Variants in SH2D4A observed in about 807,000 individuals in gnomAD.
The protein encoded by SH2D4A is SH2 domain containing 4A, also known as SH2 domain-containing protein 4A.
A neutral mutation model predicts 64.7 loss-of-function variants in SH2D4A; 70 were observed. That is an observed-to-expected ratio of 1.08 (90% confidence interval 0.89 to 1.32). The LOEUF (loss-of-function observed/expected upper bound fraction) is 1.32. Among genes scored for constraint, SH2D4A ranks in the 40% most tolerant of loss-of-function variants. The pLI, the probability that SH2D4A is intolerant of heterozygous loss-of-function variation, is 0.00. For missense variants in SH2D4A, 706 were observed against 540.1 expected (o/e 1.31, Z -3.04); for synonymous variants, 268 against 200.7 (o/e 1.34, Z -2.83).
At chr8:19,380,820 T>C (rs1006418252) in intron 8 of SH2D4A, among the ~76,000 whole-genome samples, 12 of 152,166 alleles carry the variant, frequency 7.9e-5, no homozygotes, top group Non-Finnish European at 1.5e-4. Context: ...GTCTTCCTGT[T>C]TTTTCTTCTT....
intron 2 of SH2D4A, among the ~76,000 whole-genome samples, chr8:19,322,009 TAA>T (rs149164136): frequency 0.019 from 2,920 of 152,340 alleles, 97 homozygotes; most frequent in African/African-American, 0.066. Context: ...TATGTTAATA[TAA>T]GTGGGGAAAG....
intron 4 of SH2D4A, among the ~76,000 whole-genome samples, chr8:19,341,151 G>C (rs2052523326): frequency 6.6e-6 from 1 of 152,138 alleles, no homozygotes; most frequent in Non-Finnish European, 1.5e-5. Flanking sequence ...ACTGCCCCCA[G>C]GCCTTCTCCT....
At chr8:19,383,049 T>C (rs1167482637) in intron 8 of SH2D4A, among the ~76,000 whole-genome samples, 2 of 152,042 alleles carry the variant, frequency 1.3e-5, no homozygotes, top group Non-Finnish European at 2.9e-5. Flanking sequence ...TGGGTCTCTT[T>C]AAGTTCATCT....
At chr8:19,378,324 A>G (rs1331887422) in intron 8 of SH2D4A, among the ~76,000 whole-genome samples, 2 of 152,148 alleles carry the variant, frequency 1.3e-5, no homozygotes, top group Non-Finnish European at 2.9e-5. Context: ...TGCTTGTTGT[A>G]TCATGCACAA....
intron 5 of SH2D4A, among the ~76,000 whole-genome samples, chr8:19,359,819 C>G (rs2052851111): frequency 6.6e-6 from 1 of 151,396 alleles, no homozygotes; most frequent in South Asian, 2.1e-4. Context: ...AAACAAGTTT[C>G]ACAATATTAA....
intron 4 of SH2D4A, among the ~76,000 whole-genome samples, chr8:19,336,102 C>G (rs2052441727): frequency 6.6e-6 from 1 of 152,202 alleles, no homozygotes; most frequent in South Asian, 2.1e-4. Flanking sequence ...TGCTGAGTGT[C>G]TCATGTAATC....
chr8:19,369,527 T>A (rs957232005), intron 7 of SH2D4A, among the ~76,000 whole-genome samples: 1 of 152,102 alleles, frequency 6.6e-6, no homozygotes, highest in Non-Finnish European at 1.5e-5. Flanking sequence ...TATTGGTCTG[T>A]TAAGTTTTCT....
At chr8:19,344,440 C>T (rs1324416642) in intron 4 of SH2D4A, among the ~76,000 whole-genome samples, 1 of 152,144 alleles carries the variant, frequency 6.6e-6, no homozygotes, top group Admixed American at 6.5e-5. Flanking sequence ...CAGATTGAGT[C>T]CTTCTCCTGC....
intron 8 of SH2D4A, among the ~76,000 whole-genome samples, chr8:19,377,585 C>T (rs1424978460): frequency 6.6e-6 from 1 of 152,046 alleles, no homozygotes; most frequent in Non-Finnish European, 1.5e-5. Flanking sequence ...ATATTGTTTT[C>T]CCCCAACATT....
Position 19,379,103 on chromosome 8 carries a change from C to G in SH2D4A, c.1048+5443C>G, listed in dbSNP as rs28810189. On this transcript the variant is annotated intron_variant, in intron 8 of 9. Transcript: ENST00000265807. ...AAAAAAAAAAAAAAAATTTCTACAGCTATTACCACCATCCATCTGCAGAAG... is the reference window on the plus strand; with the variant it reads ...AAAAAAAAAAAAAAAATTTCTACAGGTATTACCACCATCCATCTGCAGAAG... Among the ~76,000 whole-genome samples the G allele has an allele frequency of 6.9e-3, 1,036 of 151,102 alleles. 10 individuals carry two copies. The highest frequency in any genetic ancestry group is 0.024 in the African/African-American group (979 of 41,204).
At chr8:19,377,886 C>A (rs1218210923) in intron 8 of SH2D4A, among the ~76,000 whole-genome samples, 1 of 152,142 alleles carries the variant, frequency 6.6e-6, no homozygotes, top group Non-Finnish European at 1.5e-5. Flanking sequence ...CTGCATATTG[C>A]TACATGCCCA....
At chr8:19,390,489 A>G (rs1426071892) in intron 8 of SH2D4A, among the ~76,000 whole-genome samples, 1 of 152,212 alleles carries the variant, frequency 6.6e-6, no homozygotes, top group African/African-American at 2.4e-5. Flanking sequence ...AATCACAGCC[A>G]GGACACCCCA....
rs2053526671 is a variant in SH2D4A, at chr8:19,393,382, C to T, written c.1113C>T (p.Leu371=). The T allele has an allele frequency of 6.2e-7, 1 of 1,614,208 alleles. No homozygotes were observed. Among genetic ancestry groups the T allele is most frequent in the Non-Finnish European group, 8.5e-7 (1 of 1,180,020 alleles). ...GCACAGGCATGCCCGGCAGTTTTCTCATCCGAGTCAGTGAAAGGATCAAAG... is the reference window on the plus strand; with the variant it reads ...GCACAGGCATGCCCGGCAGTTTTCTTATCCGAGTCAGTGAAAGGATCAAAG... ...LLSTGMPGSF[L]IRVSERIKGY... is the part of the protein sequence containing the mutation. Residue 371 remains leucine, a synonymous_variant, in exon 9 of 10, where the codon CTC becomes CTT. Coordinates refer to ENST00000265807, the MANE Select transcript of SH2D4A (RefSeq NM_022071.4).
At chr8:19,376,388 G>A (rs1414446922) in intron 8 of SH2D4A, among the ~76,000 whole-genome samples, 1 of 152,118 alleles carries the variant, frequency 6.6e-6, no homozygotes, top group Non-Finnish European at 1.5e-5. Context: ...TTGGAAGGCC[G>A]AGGCAGGCGG....
intron 4 of SH2D4A, among the ~76,000 whole-genome samples, chr8:19,353,834 G>A (rs1045641066): frequency 1.3e-5 from 2 of 151,864 alleles, no homozygotes; most frequent in African/African-American, 2.4e-5. Flanking sequence ...TAACCCTTTA[G>A]AATAATGGCA....
At chr8:19,335,058 C>G (rs973389651) in intron 4 of SH2D4A, among the ~76,000 whole-genome samples, 5 of 151,796 alleles carry the variant, frequency 3.3e-5, no homozygotes, top group African/African-American at 1.2e-4. Context: ...CCAAGGCGGG[C>G]GGATCACGAG....
intron 4 of SH2D4A, among the ~76,000 whole-genome samples, chr8:19,336,864 G>T (rs2052453500): frequency 6.6e-6 from 1 of 152,068 alleles, no homozygotes; most frequent in South Asian, 2.1e-4. Context: ...GAGACCCTAA[G>T]TCTTAAAAAA....
At chr8:19,366,728 G>A (rs1193390891) in intron 7 of SH2D4A, among the ~76,000 whole-genome samples, 4 of 151,494 alleles carry the variant, frequency 2.6e-5, no homozygotes, top group African/African-American at 9.7e-5. Context: ...GGAGGCGAAG[G>A]CTGTTGTGAG....
chr8:19,318,948 A>T (rs1005409241), intron 1 of SH2D4A, among the ~76,000 whole-genome samples: 2 of 150,448 alleles, frequency 1.3e-5, no homozygotes, highest in East Asian at 1.9e-4. Flanking sequence ...TGAAATAGGT[A>T]CTTTGCAGAG....
Sources: allele counts gnomAD v4.1 joint callset (sites outside exome capture counted in the v4.1 genomes callset), GRCh38; gene constraint gnomAD v4.1.1; transcripts MANE v1.5; gene names NCBI Gene and HGNC (gene_info 2026-07-23, HGNC 2026-07-21).